The following RORA variants were observed in gnomAD, a reference collection of about 807,000 sequenced individuals.
The protein encoded by RORA is nuclear receptor ROR-alpha.
In RORA, 7 loss-of-function variants were observed where a neutral mutation model predicts 69.5. The observed-to-expected ratio is 0.10, with a 90% CI of 0.06 to 0.19. The LOEUF (loss-of-function observed/expected upper bound fraction) is 0.19, where lower values mean the gene tolerates loss of function less well. Ranked by LOEUF, RORA falls within the 10% of genes least tolerant of loss-of-function variation. The pLI is 1.00. For missense variants in RORA, 457 were observed against 663.0 expected, an observed-to-expected ratio of 0.69 and a Z score of 3.41; for synonymous variants, 261 against 240.8, an observed-to-expected ratio of 1.08 and a Z score of -0.78.
chr15:60,967,546 A>T (rs186741537), intron 1 of RORA, among the ~76,000 whole-genome samples: 368 of 152,342 alleles, frequency 2.4e-3, no homozygotes, highest in Non-Finnish European at 3.1e-3. Context: ...GTTTTGGCAC[A>T]TATTTGCAGA....
At chr15:60,902,787 A>G (rs1891427817) in intron 1 of RORA, among the ~76,000 whole-genome samples, 2 of 152,204 alleles carry the variant, frequency 1.3e-5, no homozygotes, top group African/African-American at 4.8e-5. Flanking sequence ...GAGTTAGGGA[A>G]AGAGGCACAC....
At chr15:61,015,414 A>G (rs1257662621) in intron 1 of RORA, among the ~76,000 whole-genome samples, 1 of 152,224 alleles carries the variant, frequency 6.6e-6, no homozygotes, top group African/African-American at 2.4e-5. Context: ...AGCTGCTCTT[A>G]TAAGTTGAGA....
Position 60,491,669 on chromosome 15 carries a change from TTTAAAA to T in RORA, c.*5780_*5785del, listed in dbSNP as rs1177861144. The stretch of plus-strand genomic sequence containing the variant: ...GTGTGAAGTCAGGCTTCTGGATTCT[TTTAAAA>T]ATTATTCTGAGAGCCTGACAACACT... On this transcript the variant is annotated 3_prime_UTR_variant, in exon 11 of 11. Transcript: ENST00000335670. The T allele has an allele frequency of 2.6e-5, 4 of 151,672 alleles. No homozygotes were observed. The highest frequency in any genetic ancestry group is 9.7e-5 in the African/African-American group (4 of 41,244). 9.4% of individuals were successfully genotyped at this position (151,672 alleles called of 1,614,324 possible).
chr15:61,042,954 C>T (rs570619217), intron 1 of RORA, among the ~76,000 whole-genome samples: 1 of 152,272 alleles, frequency 6.6e-6, no homozygotes, highest in African/African-American at 2.4e-5. Context: ...TGAGCAAGGG[C>T]AAGTTTATGC....
chr15:60,837,316 GA>G (rs1468228437), intron 1 of RORA, among the ~76,000 whole-genome samples: 9 of 152,006 alleles, frequency 5.9e-5, no homozygotes, highest in Non-Finnish European at 1.3e-4. Context: ...AACTGACTAG[GA>G]AAAAAATGAA....
intron 2 of RORA, among the ~76,000 whole-genome samples, chr15:60,585,758 TC>T (rs1232610640): frequency 2.6e-5 from 4 of 152,228 alleles, no homozygotes; most frequent in Non-Finnish European, 4.4e-5. Flanking sequence ...AAATTTTTTT[TC>T]CTTTACTTCC....
chr15:60,947,202 G>A (rs1031637987), intron 1 of RORA, among the ~76,000 whole-genome samples: 16 of 152,232 alleles, frequency 1.1e-4, no homozygotes, highest in Non-Finnish European at 2.1e-4. Context: ...GTACCCAACA[G>A]CTCATTGAGA....
chr15:60,935,291 G>A (rs1432796645), intron 1 of RORA, among the ~76,000 whole-genome samples: 2 of 152,202 alleles, frequency 1.3e-5, no homozygotes, highest in Admixed American at 6.5e-5. Context: ...CTCGCTGGGA[G>A]AAAAGCCAGA....
intron 2 of RORA, among the ~76,000 whole-genome samples, chr15:60,606,537 T>A (rs1465759882): frequency 1.3e-5 from 2 of 152,230 alleles, no homozygotes; most frequent in Admixed American, 1.3e-4. Flanking sequence ...AAGTTTCATT[T>A]GTATGTAGCT....
intron 1 of RORA, among the ~76,000 whole-genome samples, chr15:60,984,608 C>T (rs1469066599): frequency 6.6e-6 from 1 of 152,046 alleles, no homozygotes; most frequent in East Asian, 1.9e-4. Flanking sequence ...ATAACCAGTG[C>T]TACTCAAAGT....
chr15:60,939,270 G>C (rs1892617161), intron 1 of RORA, among the ~76,000 whole-genome samples: 1 of 152,054 alleles, frequency 6.6e-6, no homozygotes. Context: ...CATTCTTTCA[G>C]CATGGTAGCC....
At chr15:60,749,737 T>C (rs1366096200) in intron 1 of RORA, among the ~76,000 whole-genome samples, 2 of 152,118 alleles carry the variant, frequency 1.3e-5, no homozygotes, top group Non-Finnish European at 2.9e-5. Flanking sequence ...CGATAATAGC[T>C]AATATTAGGG....
chr15:60,952,305 C>G (rs1893133744), intron 1 of RORA, among the ~76,000 whole-genome samples: 1 of 152,096 alleles, frequency 6.6e-6, no homozygotes, highest in South Asian at 2.1e-4. Flanking sequence ...ATAATAAGAG[C>G]TATCTATGAC....
chr15:60,781,754 A>T (rs2140339232), intron 1 of RORA, among the ~76,000 whole-genome samples: 1 of 152,014 alleles, frequency 6.6e-6, no homozygotes, highest in East Asian at 1.9e-4. Flanking sequence ...AAGAAAACAG[A>T]CTCTGACATC....
At chr15:60,810,933 C>G (rs1283614630) in intron 1 of RORA, among the ~76,000 whole-genome samples, 1 of 152,178 alleles carries the variant, frequency 6.6e-6, no homozygotes, top group Non-Finnish European at 1.5e-5. Flanking sequence ...CCTTGGGGAG[C>G]CACAATGCCA....
chr15:60,517,483 A>ATTTTATTTTATTTTATT (rs2066003937), intron 3 of RORA, among the ~76,000 whole-genome samples: 1 of 151,822 alleles, frequency 6.6e-6, no homozygotes, highest in Non-Finnish European at 1.5e-5. Flanking sequence ...ATTTTATTTT[A>ATTTTATTTTATTTTATT]TTGTTTGTGT....
chr15:60,641,000 G>C (rs570797575), intron 2 of RORA, among the ~76,000 whole-genome samples: 1 of 152,180 alleles, frequency 6.6e-6, no homozygotes, highest in African/African-American at 2.4e-5. Flanking sequence ...TTGCCCAGGT[G>C]GTAGTTCAGT....
In RORA at chr15:60,531,871, C is replaced by T. The variant is rs775492625; in HGVS notation, c.197-20G>A. On this transcript the variant is annotated intron_variant, in intron 2 of 10. Transcript: ENST00000335670. The surrounding 1 kb of genome is among the most constrained non-coding windows in gnomAD (Gnocchi z 4.8). The stretch of plus-strand genomic sequence containing the variant: ...TTTGAGCTGCAACAGAAGCACGCAA[C>T]CAGTTAATTACATTTTCTTTTAAAC... 24 of 1,498,420 alleles carry T rather than the reference C, an allele frequency of 1.6e-5. No individual in the cohort carries two copies. Among genetic ancestry groups the T allele is most frequent in the Non-Finnish European group, 2.1e-5 (23 of 1,094,800 alleles). The allele number at this position is 1,498,420 out of a possible 1,614,324, so 92.8% of individuals were successfully genotyped here. A position where few individuals can be genotyped will look rare whatever the true frequency, so the allele number is the denominator to read the frequency against.
At chr15:60,671,145 A>G (rs1251666653) in intron 2 of RORA, among the ~76,000 whole-genome samples, 3 of 146,308 alleles carry the variant, frequency 2.1e-5, no homozygotes, top group Non-Finnish European at 4.4e-5. Context: ...TTGGGTTTGG[A>G]TAGGTTTCAA....
Sources: allele counts gnomAD v4.1 joint callset (sites outside exome capture counted in the v4.1 genomes callset), GRCh38; gene constraint gnomAD v4.1.1; non-coding constraint Gnocchi (gnomAD v3.1); transcripts MANE v1.5; gene names NCBI Gene and HGNC (gene_info 2026-07-23, HGNC 2026-07-21).